The following DAW1 variants were observed in gnomAD, a reference collection of about 807,000 sequenced individuals.
DAW1 encodes dynein assembly factor with WD repeats 1, also known as dynein assembly factor with WD repeat domains 1.
DAW1 carries 47 observed loss-of-function variants against 56.5 expected under a neutral mutation model. The ratio of observed to expected loss-of-function variants is 0.83; its 90% confidence interval spans 0.66 to 1.06. The LOEUF is 1.06. Ranked by LOEUF, DAW1 falls within the 50% of genes least tolerant of loss-of-function variation. The pLI is 0.00. For missense variants in DAW1, 505 were observed against 499.3 expected, an observed-to-expected ratio of 1.01 and a Z score of -0.11; for synonymous variants, 190 against 179.0, an observed-to-expected ratio of 1.06 and a Z score of -0.49.
rs190745821 is a variant in DAW1 at position 227,912,610 on chromosome 2, C to T, written c.973+5358C>T. 1,822 of 1,148,902 alleles carry T rather than the reference C, an allele frequency of 1.6e-3. 2 individuals carry two copies. Among genetic ancestry groups the T allele is most frequent in the Middle Eastern group, 7.0e-3 (26 of 3,716 alleles). The allele number at this position is 1,148,902 out of a possible 1,614,324, so 71.2% of individuals were successfully genotyped here. A position where few individuals can be genotyped will look rare whatever the true frequency, so the allele number is the denominator to read the frequency against. ...ATCTCAGTGATGACCGCCTATTCTG[C>T]TTCATTTGTATTCTTCATTTCCTTG... On this transcript the variant is annotated intron_variant, in intron 10 of 12. Transcript: ENST00000309931.
chr2:227,881,815 C>T (rs907364340), intron 1 of DAW1, among the ~76,000 whole-genome samples: 4 of 128,678 alleles, frequency 3.1e-5, no homozygotes, highest in Non-Finnish European at 6.2e-5. Flanking sequence ...TGCAGTGGTG[C>T]AATCTTGTCT....
intron 5 of DAW1, among the ~76,000 whole-genome samples, chr2:227,897,204 G>A (rs1691431801): frequency 6.6e-6 from 1 of 151,984 alleles, no homozygotes; most frequent in Non-Finnish European, 1.5e-5. Context: ...GAGAAAGCTA[G>A]GTCAGACACT....
At chr2:227,922,714 A>G (rs1277267838) in intron 12 of DAW1, among the ~76,000 whole-genome samples, 3 of 152,332 alleles carry the variant, frequency 2.0e-5, no homozygotes. Context: ...AGTCTACTTA[A>G]TGATGGACAG....
intron 1 of DAW1, among the ~76,000 whole-genome samples, chr2:227,884,709 GGGCTTTGCTGA>G (rs1173874041): frequency 2.6e-5 from 4 of 152,184 alleles, no homozygotes; most frequent in African/African-American, 9.6e-5. Flanking sequence ...GGGAAACGCA[GGGCTTTGCTGA>G]GGCTGCCTCA....
chr2:227,883,513 T>C (rs1244273809), intron 1 of DAW1, among the ~76,000 whole-genome samples: 1 of 152,252 alleles, frequency 6.6e-6, no homozygotes, highest in African/African-American at 2.4e-5. Context: ...TTCACTAATA[T>C]GGTTTCAGAT....
At chr2:227,903,262 A>G (rs1441487601) in intron 7 of DAW1, among the ~76,000 whole-genome samples, 153 bp downstream of exon 7, 1 of 152,108 alleles carries the variant, frequency 6.6e-6, no homozygotes, top group African/African-American at 2.4e-5. Flanking sequence ...GCTATTCCAA[A>G]AGACTTGGGT....
chr2:227,882,669 T>C (rs752831666), intron 1 of DAW1, among the ~76,000 whole-genome samples: 1 of 152,248 alleles, frequency 6.6e-6, no homozygotes, highest in Non-Finnish European at 1.5e-5. Flanking sequence ...TGAATTATAA[T>C]TCCCATAATC....
rs369369664 is a variant in DAW1, at chr2:227,904,966, C to A, written c.686C>A (p.Thr229Asn). The A allele has an allele frequency of 5.0e-6, 8 of 1,613,644 alleles. No individual in the cohort carries two copies. The highest frequency in any genetic ancestry group is 4.2e-6 in the Non-Finnish European group (5 of 1,179,758). The stretch of plus-strand genomic sequence containing the variant: ...GAAATCATCTCCTTGTCATTTAACA[C>A]CTCAGGAGACAGAATCATCACGGGG... The part of the protein sequence containing the change: ...SAEIISLSFN[T>N]SGDRIITGSF... Residue 229 changes from threonine (T) to asparagine (N), a missense_variant, in exon 8 of 13, where the codon ACC becomes AAC. Coordinates refer to ENST00000309931, the MANE Select transcript of DAW1 (RefSeq NM_178821.3).
At chr2:227,892,280 C>T (rs907577073) in intron 4 of DAW1, among the ~76,000 whole-genome samples, 6 of 152,042 alleles carry the variant, frequency 3.9e-5, no homozygotes, top group Non-Finnish European at 8.8e-5. Context: ...TTACAGGTGC[C>T]TGCCACCACG....
Position 227,871,654 on chromosome 2 carries a change from A to G in DAW1, c.-36A>G, listed in dbSNP as rs1690750137. The stretch of plus-strand genomic sequence containing the variant: ...CTGCTGTTTAGCCGTTTCCAAGGCT[A>G]CGAAGCCCATCGGCCGGGGATAAGA... On this transcript the variant is annotated 5_prime_UTR_variant, in exon 1 of 13. Coordinates refer to ENST00000309931, the MANE Select transcript of DAW1 (RefSeq NM_178821.3). 1 of 1,609,594 alleles carries G rather than the reference A, an allele frequency of 6.2e-7. No homozygotes were observed. Among genetic ancestry groups the G allele is most frequent in the Non-Finnish European group, 8.5e-7 (1 of 1,177,950 alleles).
intron 6 of DAW1, 119 bp downstream of exon 6, chr2:227,898,400 A>G: frequency 2.7e-6 from 1 of 374,468 alleles, no homozygotes; most frequent in Non-Finnish European, 4.0e-6. Context: ...GGCTCACTGC[A>G]AGCTCCGCCT....
intron 10 of DAW1, among the ~76,000 whole-genome samples, chr2:227,914,586 C>T (rs955428317): frequency 5.9e-5 from 9 of 152,120 alleles, no homozygotes; most frequent in African/African-American, 1.7e-4. Flanking sequence ...TTACATATGA[C>T]GTTACACTAG....
intron 12 of DAW1, among the ~76,000 whole-genome samples, chr2:227,922,438 T>C (rs1222307032): frequency 6.6e-6 from 1 of 152,212 alleles, no homozygotes; most frequent in Non-Finnish European, 1.5e-5. Context: ...ATCATGTTAG[T>C]GGAGTGCCTC....
At chr2:227,898,308 A>G in intron 6 of DAW1, 27 bp downstream of exon 6, 1 of 1,173,862 alleles carries the variant, frequency 8.5e-7, no homozygotes, top group East Asian at 3.5e-5. Flanking sequence ...ATTTATTATT[A>G]TTTTATGTAT....
intron 10 of DAW1, 60 bp from the exon 11 acceptor site, chr2:227,918,720 T>G (rs184884128): frequency 4.0e-4 from 633 of 1,577,538 alleles, no homozygotes; most frequent in Non-Finnish European, 5.4e-4. Context: ...ATGCAAAGTC[T>G]TTTATCCAAA....
At chr2:227,884,091 G>C (rs544554690) in intron 1 of DAW1, among the ~76,000 whole-genome samples, 1 of 152,234 alleles carries the variant, frequency 6.6e-6, no homozygotes, top group East Asian at 1.9e-4. Flanking sequence ...ATATTCTATG[G>C]ATCCATCTTC....
At chr2:227,894,003 G>T (rs1167984684) in intron 5 of DAW1, 86 bp downstream of exon 5, 4 of 1,395,608 alleles carry the variant, frequency 2.9e-6, no homozygotes, top group Non-Finnish European at 3.8e-6. Context: ...AAGACAAGAG[G>T]TCTAAATTTA....
chr2:227,882,755 T>A (rs2106188964), intron 1 of DAW1, among the ~76,000 whole-genome samples: 1 of 152,352 alleles, frequency 6.6e-6, no homozygotes, highest in Non-Finnish European at 1.5e-5. Flanking sequence ...CATGCTGTTC[T>A]CATGATAGTG....
chr2:227,894,826 GC>G (rs1691368633), intron 5 of DAW1, among the ~76,000 whole-genome samples: 2 of 152,200 alleles, frequency 1.3e-5, no homozygotes, highest in Non-Finnish European at 2.9e-5. Context: ...GCCGGAATGG[GC>G]ATCCTCCTCC....
Sources: gnomAD v4.1 joint callset for allele counts (sites outside exome capture counted in the v4.1 genomes callset) on GRCh38, gnomAD v4.1.1 for gene constraint, MANE v1.5 for transcripts, NCBI Gene and HGNC (gene_info 2026-07-23, HGNC 2026-07-21) for gene names.